Variants in SAMSN1 observed in about 807,000 individuals in gnomAD.
SAMSN1 encodes the protein SAM domain-containing protein SAMSN-1.
Under a neutral mutation model 42.0 loss-of-function variants are expected in SAMSN1, and 31 were observed. That is an observed-to-expected ratio of 0.74 (90% CI 0.55 to 1.00). SAMSN1 has a LOEUF of 1.00. Ranked by LOEUF, SAMSN1 falls within the 50% of genes least tolerant of loss-of-function variation. The pLI, the probability that SAMSN1 is intolerant of heterozygous loss-of-function variation, is 0.00. For synonymous variants in SAMSN1, 178 were observed against 151.9 expected, an observed-to-expected ratio of 1.17 and a Z score of -1.26; for missense variants, 464 against 439.4, an observed-to-expected ratio of 1.06 and a Z score of -0.50.
intron 5 of SAMSN1, 88 bp downstream of exon 5, chr21:14,510,222 G>C (rs1987623345): frequency 4.0e-6 from 5 of 1,259,386 alleles, no homozygotes; most frequent in Non-Finnish European, 5.8e-6. Context: ...CACTCACACT[G>C]TCTTCCCACT....
At chr21:14,619,886 C>T (rs1313432041) in intron 2 of SAMSN1, among the ~76,000 whole-genome samples, 3 of 151,498 alleles carry the variant, frequency 2.0e-5, no homozygotes, top group Non-Finnish European at 4.4e-5. Flanking sequence ...TGTTCAGCTT[C>T]CTCTTGGCGT....
intron 2 of SAMSN1, among the ~76,000 whole-genome samples, 163 bp downstream of exon 2, chr21:14,520,987 A>G (rs1978427537): frequency 6.6e-6 from 1 of 152,150 alleles, no homozygotes; most frequent in Non-Finnish European, 1.5e-5. Flanking sequence ...TTTCCACAAC[A>G]GTACTAAATA....
At chr21:14,577,402 C>G (rs1259091833) in intron 2 of SAMSN1, among the ~76,000 whole-genome samples, 2 of 149,334 alleles carry the variant, frequency 1.3e-5, no homozygotes, top group East Asian at 3.9e-4. Flanking sequence ...TGTAAGCCAC[C>G]ACACCTGGCC....
intron 2 of SAMSN1, among the ~76,000 whole-genome samples, chr21:14,563,251 C>T (rs1375286042): frequency 6.6e-6 from 1 of 152,158 alleles, no homozygotes; most frequent in Non-Finnish European, 1.5e-5. Flanking sequence ...TCTTTCATTT[C>T]ATTTACTGGA....
chr21:14,627,093 CAG>C (rs1983199492), intron 2 of SAMSN1, among the ~76,000 whole-genome samples: 1 of 152,000 alleles, frequency 6.6e-6, no homozygotes, highest in Admixed American at 6.6e-5. Flanking sequence ...CACATGGACA[CAG>C]GGTGAGGAAC....
chr21:14,571,931 A>G (rs1366983254), intron 2 of SAMSN1, among the ~76,000 whole-genome samples: 1 of 152,200 alleles, frequency 6.6e-6, no homozygotes, highest in African/African-American at 2.4e-5. Context: ...CAGGGAGATA[A>G]TTGGGCAAAC....
chr21:14,613,226 A>G (rs902764046), intron 3 of SAMSN1, among the ~76,000 whole-genome samples: 3 of 152,216 alleles, frequency 2.0e-5, no homozygotes, highest in Non-Finnish European at 4.4e-5. Flanking sequence ...GTGCTTTTGC[A>G]AATAAATATG....
chr21:14,609,618 C>A lies in SAMSN1; in HGVS notation c.236-50G>T, dbSNP rs560983124. ...AGCAGAATTCATAGTAACATTTGTCCAGTAAGTATAAGACATTTGAAATCA... is the reference window on the plus strand; with the variant it reads ...AGCAGAATTCATAGTAACATTTGTCAAGTAAGTATAAGACATTTGAAATCA... On this transcript the variant is annotated intron_variant, in intron 4 of 15. Coordinates refer to the SAMSN1 transcript ENST00000647101. 21 of 716,640 alleles carry A rather than the reference C, an allele frequency of 2.9e-5. No individual in the cohort carries two copies. The African/African-American group carries it at 3.5e-4, about 12-fold the overall frequency. 44.4% of individuals were successfully genotyped at this position (716,640 alleles called of 1,614,324 possible).
chr21:14,530,300 G>C lies in SAMSN1; in HGVS notation c.58-9079C>G, dbSNP rs148155638. Among the ~76,000 whole-genome samples the C allele has an allele frequency of 1.8e-3, 228 of 128,040 alleles. 3 individuals carry two copies. In the East Asian group the frequency reaches 0.029, roughly 16 times the overall value. 84.0% of individuals were successfully genotyped at this position (128,040 alleles called of 152,430 possible). ...CCAATGCGCTCCAGCCTGGGCAACA[G>C]AGCGAGACTCCGTCTCAAAAAAAAA... On this transcript the variant is annotated intron_variant, in intron 1 of 7. Transcript: ENST00000400566.
rs1189979342 is a variant in SAMSN1 at position 14,543,027 on chromosome 21, C to T, written c.57+3178G>A. 2.0e-5 allele frequency among the ~76,000 whole-genome samples: 3 copies of T among 152,144 alleles called. 1 individual carries two copies. The highest frequency in any genetic ancestry group is 2.0e-4 in the Admixed American group (3 of 15,254). ...GTTAAGCAAGCCTATTTTTAACTAA[C>T]CTAAGTACAGAATACTTAACTATTA... is the stretch of plus-strand genomic sequence containing the variant. On this transcript the variant is annotated intron_variant, in intron 1 of 7. Coordinates refer to ENST00000400566, the MANE Select transcript of SAMSN1 (RefSeq NM_022136.5).
intron 7 of SAMSN1, among the ~76,000 whole-genome samples, chr21:14,488,214 C>T (rs546231295): frequency 8.2e-4 from 125 of 152,240 alleles, no homozygotes; most frequent in African/African-American, 2.9e-3. Flanking sequence ...GGAGTGTGAA[C>T]CTCTTAGTCA....
In SAMSN1 at chr21:14,573,692, C is replaced by A. The variant is rs371568363; in HGVS notation, c.261+8444G>T. ...TTTTCTGCACATATAATTTATCTTC[C>A]TCATTGTATCCTTATGACCCAAACT... is the stretch of plus-strand genomic sequence containing the variant. On this transcript the variant is annotated intron_variant, in intron 2 of 8. Coordinates refer to the SAMSN1 transcript ENST00000285670. Among the ~76,000 whole-genome samples the A allele has an allele frequency of 9.6e-4, 146 of 152,212 alleles. 2 individuals carry two copies. The highest frequency in any genetic ancestry group is 6.8e-3 in the Middle Eastern group (2 of 294).
chr21:14,545,627 G>T (rs147190659), intron 1 of SAMSN1, among the ~76,000 whole-genome samples: 1 of 151,972 alleles, frequency 6.6e-6, no homozygotes, highest in East Asian at 1.9e-4. Context: ...CCAGTATATG[G>T]TGTTTTGATG....
chr21:14,631,422 T>G (rs1395701525), intron 2 of SAMSN1, among the ~76,000 whole-genome samples: 1 of 152,210 alleles, frequency 6.6e-6, no homozygotes, highest in South Asian at 2.1e-4. Flanking sequence ...TTTGTTTTTT[T>G]CTTTGAAACA....
At chr21:14,541,207 C>T (rs1980004117) in intron 1 of SAMSN1, among the ~76,000 whole-genome samples, 1 of 151,754 alleles carries the variant, frequency 6.6e-6, no homozygotes, top group Non-Finnish European at 1.5e-5. Context: ...TTGCAGCTCA[C>T]CAACATGGCA....
rs969343441 is a variant in SAMSN1, at chr21:14,534,444, A to AAAC, written c.57+11758_57+11760dup. 6.0e-4 allele frequency among the ~76,000 whole-genome samples: 92 copies of AAAC among 152,172 alleles called. 4 individuals are homozygous for AAAC. Among genetic ancestry groups the AAAC allele is most frequent in the Middle Eastern group, 3.4e-3 (1 of 294 alleles). ...GCACATACTGAAAAACTGTGAGTTT[A>AAAC]AACAACAACAACAACAACAACAAAC... On this transcript the variant is annotated intron_variant, in intron 1 of 7. Coordinates refer to ENST00000400566, the MANE Select transcript of SAMSN1 (RefSeq NM_022136.5).
At chr21:14,596,112 C>A (rs111677650) in intron 6 of SAMSN1, among the ~76,000 whole-genome samples, 1 of 151,934 alleles carries the variant, frequency 6.6e-6, no homozygotes, top group Non-Finnish European at 1.5e-5. Flanking sequence ...CTTCTTTAAA[C>A]GTGAAAGTAC....
At chr21:14,650,698 A>G (rs1322549815) in intron 1 of SAMSN1, among the ~76,000 whole-genome samples, 1 of 152,114 alleles carries the variant, frequency 6.6e-6, no homozygotes, top group Non-Finnish European at 1.5e-5. Context: ...GCCAAAATTA[A>G]TGAAATTGAA....
At chr21:14,493,424 A>G (rs1225456206) in intron 7 of SAMSN1, among the ~76,000 whole-genome samples, 1 of 152,100 alleles carries the variant, frequency 6.6e-6, no homozygotes, top group Non-Finnish European at 1.5e-5. Context: ...CAATTTTAAG[A>G]CACATTGGAG....
Sources: allele counts gnomAD v4.1 joint callset (sites outside exome capture counted in the v4.1 genomes callset), GRCh38; gene constraint gnomAD v4.1.1; transcripts MANE v1.5; gene names NCBI Gene and HGNC (gene_info 2026-07-23, HGNC 2026-07-21).